ACRBP: variants seen among roughly 807,000 people sequenced by gnomAD.
ACRBP encodes acrosin binding protein, also known as acrosin-binding protein.
In ACRBP, 52 loss-of-function variants were observed where a neutral mutation model predicts 69.0. The ratio of observed to expected loss-of-function variants is 0.75; its 90% confidence interval spans 0.60 to 0.95. The LOEUF (loss-of-function observed/expected upper bound fraction) is 0.95. ACRBP is among the 40% of genes least tolerant of loss of function. ACRBP has a pLI of 0.00. For missense variants in ACRBP, 604 were observed against 673.0 expected, an observed-to-expected ratio of 0.90 and a Z score of 1.13; for synonymous variants, 267 against 258.9, an observed-to-expected ratio of 1.03 and a Z score of -0.30.
intron 6 of ACRBP, among the ~76,000 whole-genome samples, 181 bp downstream of exon 6, chr12:6,643,358 C>A (rs1328812331): frequency 6.6e-6 from 1 of 152,180 alleles, no homozygotes; most frequent in Non-Finnish European, 1.5e-5. Context: ...GGGTCTTGAG[C>A]CTTCCTCCTT....
In ACRBP at chr12:6,646,472, C is replaced by A. The variant is rs1949089907; in HGVS notation, c.357+11G>T. 1 of 1,613,450 alleles carries A rather than the reference C, an allele frequency of 6.2e-7. No homozygotes were observed. The highest frequency in any genetic ancestry group is 1.7e-5 in the Admixed American group (1 of 60,016). On this transcript the variant is annotated intron_variant, in intron 3 of 9. Transcript: ENST00000229243. The stretch of plus-strand genomic sequence containing the variant: ...TGGGGCACCAAATCCAACCTTTGTC[C>A]TGGGCCTCACCTTGGCATAGTAGAC...
Position 6,643,593 on chromosome 12 carries a change from G to A in ACRBP, c.1023C>T (p.Pro341=). ...SIVENTCIIT[P]TAKAWKYMEE... ...CCATGTACTTCCAGGCCTTGGCTGTGGGGGTTATGATGCAGGTATTCTCCA... is the reference window on the plus strand; with the variant it reads ...CCATGTACTTCCAGGCCTTGGCTGTAGGGGTTATGATGCAGGTATTCTCCA... The change falls in exon 6 of 10, where the codon CCC becomes CCT. Residue 341 remains proline (P), a synonymous_variant. Transcript: ENST00000229243. The A allele has an allele frequency of 6.2e-7, 1 of 1,614,242 alleles. No homozygotes were observed.
Position 6,647,347 on chromosome 12 carries a change from C to A in ACRBP, c.20G>T (p.Gly7Val). 1 of 1,544,908 alleles carries A rather than the reference C, an allele frequency of 6.5e-7. No homozygotes were observed. Among genetic ancestry groups the A allele is most frequent in the Non-Finnish European group, 8.7e-7 (1 of 1,144,932 alleles). ...ACCCTTCAGGAGTGAGGGAAGGAAG[C>A]CAGCGGCTGGCTTCCTCATGGCCGG... MRKPAA[G>V]FLPSLLKVLL... Residue 7 changes from glycine to valine, a missense_variant, in exon 1 of 10, where the codon GGC (glycine) becomes GTC (valine). Gly to Val is a moderately radical substitution (Grantham distance 109, BLOSUM62 -3). Transcript: ENST00000229243.
At position 6,646,505 on chromosome 12, in the gene ACRBP, G is replaced by C; in HGVS notation, c.335C>G (p.Ser112Cys). 6.2e-7 allele frequency: 1 copy of C among 1,614,122 alleles called. No individual in the cohort carries two copies. The highest frequency in any genetic ancestry group is 8.5e-7 in the Non-Finnish European group (1 of 1,180,020). The change falls in exon 3 of 10, where the codon TCC becomes TGC. Residue 112 changes from serine to cysteine, a missense_variant. Physicochemically the swap from Ser to Cys is moderately radical, Grantham distance 112. Transcript: ENST00000229243. ...SFCQFTHYRC[S>C]NHVYYAKRVL... The stretch of plus-strand genomic sequence containing the variant: ...CACCTTGGCATAGTAGACGTGGTTG[G>C]AGCAACGGTAGTGAGTGAACTGGCA...
Position 6,646,888 on chromosome 12 carries a change from T to C in ACRBP, c.168A>G (p.Ala56=), listed in dbSNP as rs1949093821. 1 of 1,614,044 alleles carries C rather than the reference T, an allele frequency of 6.2e-7. No individual in the cohort carries two copies. The highest frequency in any genetic ancestry group is 1.3e-5 in the African/African-American group (1 of 74,930). The change falls in exon 2 of 10, where the codon GCA becomes GCG. Residue 56 remains alanine (A), a synonymous_variant. Coordinates refer to ENST00000229243, the MANE Select transcript of ACRBP (RefSeq NM_032489.3). ...TTGCACGGAGACGGCAGGTAGTCTC[T>C]GCCTTCCAGGTTGGAGTCAGCAGTG... ...FFALLTPTWK[A]ETTCRLRATH... is the part of the protein sequence containing the mutation.
chr12:6,644,462 G>A lies in ACRBP; in HGVS notation c.619C>T (p.Pro207Ser), dbSNP rs777238087. Reference sequence around the variant, plus strand: ...TCTTCCTGCTTGTGTTCTTGTGTCGGCTCCTGCCTGTGCTCCACTCCTTGC... The same window carrying A: ...TCTTCCTGCTTGTGTTCTTGTGTCGACTCCTGCCTGTGCTCCACTCCTTGC... The part of the protein sequence containing the change: ...QEQGVEHRQE[P>S]TQEHKQEEGQ... Residue 207 changes from proline to serine, a missense_variant, in exon 5 of 10, where the codon CCG becomes TCG. This residue lies in a region of ACRBP where 532 missense variants were observed against 562.9 expected (regional missense o/e 0.95). Coordinates refer to ENST00000229243, the MANE Select transcript of ACRBP (RefSeq NM_032489.3). 6.2e-7 allele frequency: 1 copy of A among 1,613,740 alleles called. No homozygotes were observed. The highest frequency in any genetic ancestry group is 1.7e-5 in the Admixed American group (1 of 59,952).
At position 6,640,255 on chromosome 12, in the gene ACRBP, G is replaced by A; in HGVS notation, c.1258-28C>T. The A allele has an allele frequency of 1.2e-6, 2 of 1,613,426 alleles. No homozygotes were observed. The highest frequency in any genetic ancestry group is 1.7e-6 in the Non-Finnish European group (2 of 1,179,454). Reference sequence around the variant, plus strand: ...GTGGCACAGGAGATAGGGGAGAGGTGCGTGCCCCTCCCCACCTGCTGGCCA... The same window carrying A: ...GTGGCACAGGAGATAGGGGAGAGGTACGTGCCCCTCCCCACCTGCTGGCCA... On this transcript the variant is annotated intron_variant, in intron 7 of 9. Transcript: ENST00000229243. The surrounding 1 kb of genome is among the most constrained non-coding windows in gnomAD (Gnocchi z 5.3).
intron 3 of ACRBP, among the ~76,000 whole-genome samples, chr12:6,646,125 ATTTTTTTT>A (rs59626834): frequency 8.2e-6 from 1 of 121,432 alleles, no homozygotes; most frequent in Non-Finnish European, 1.7e-5. Flanking sequence ...AAGCCCGGCT[ATTTTTTTT>A]TTTTTTTTTT....
At position 6,638,395 on chromosome 12, in the gene ACRBP, T is replaced by C. The variant is rs1949026467; in HGVS notation, c.1519A>G (p.Met507Val). The C allele has an allele frequency of 3.7e-6, 6 of 1,613,830 alleles. No homozygotes were observed. The highest frequency in any genetic ancestry group is 2.7e-5 in the African/African-American group (2 of 74,860). ...TAAGTCTCATTCTGCAGACATCTCA[T>C]GCGGGACACCTACACAGAGATTCAG... Reference protein sequence around the residue: ...MRNRNRKVSRMRCLQNETYSA... With the variant: ...MRNRNRKVSRVRCLQNETYSA... Residue 507 changes from methionine to valine, a missense_variant, in exon 10 of 10, where the codon ATG becomes GTG. By Grantham distance (21) the Met-to-Val change is conservative (BLOSUM62 1). Transcript: ENST00000229243.
Position 6,643,882 on chromosome 12 carries a change from A to G in ACRBP, c.945-211T>C, listed in dbSNP as rs370490182. Among the ~76,000 whole-genome samples, 13 of 152,352 alleles carry G rather than the reference A, an allele frequency of 8.5e-5. No homozygotes were observed. The East Asian group carries it at 2.1e-3, about 25-fold the overall frequency. ...GAGAAATTACTTTCTCAGGATTGCAATGCTAAACAGGGCAGAGACAAGACC... is the reference window on the plus strand; with the variant it reads ...GAGAAATTACTTTCTCAGGATTGCAGTGCTAAACAGGGCAGAGACAAGACC... On this transcript the variant is annotated intron_variant, in intron 5 of 9. Transcript: ENST00000229243.
In ACRBP at chr12:6,647,355, T is replaced by C. The variant is rs1324125172; in HGVS notation, c.12A>G (p.Pro4=). The change falls in exon 1 of 10, where the codon CCA becomes CCG. Residue 4 remains proline (P), a synonymous_variant. Coordinates refer to ENST00000229243, the MANE Select transcript of ACRBP (RefSeq NM_032489.3). MRK[P]AAGFLPSLLK... The stretch of plus-strand genomic sequence containing the variant: ...GGAGTGAGGGAAGGAAGCCAGCGGC[T>C]GGCTTCCTCATGGCCGGAGAAGATC... 3.2e-6 allele frequency: 5 copies of C among 1,542,086 alleles called. No homozygotes were observed. The East Asian group carries it at 1.2e-4, about 38-fold the overall frequency.
At chr12:6,644,787 T>C (rs545075372) in intron 4 of ACRBP, among the ~76,000 whole-genome samples, 182 bp from the exon 5 acceptor site, 1 of 152,164 alleles carries the variant, frequency 6.6e-6, no homozygotes, top group African/African-American at 2.4e-5. Context: ...ACTGTAAGGC[T>C]GGTGGTATGC....
chr12:6,643,622 T>C lies in ACRBP; in HGVS notation c.994A>G (p.Ile332Val), dbSNP rs1380586075. The part of the protein sequence containing the change: ...TEALLVLCYS[I>V]VENTCIITPT... ...GTTATGATGCAGGTATTCTCCACGA[T>C]CGAATAGCACAGCACCAGCAAGGCC... Residue 332 changes from isoleucine (I) to valine (V), a missense_variant, in exon 6 of 10, where the codon ATC (isoleucine) becomes GTC (valine). By Grantham distance (29) the Ile-to-Val change is conservative. Transcript: ENST00000229243. 2 of 1,614,160 alleles carry C rather than the reference T, an allele frequency of 1.2e-6. No individual in the cohort carries two copies. The highest frequency in any genetic ancestry group is 1.1e-5 in the South Asian group (1 of 91,078).
intron 6 of ACRBP, among the ~76,000 whole-genome samples, chr12:6,642,220 A>G (rs1296377025): frequency 2.0e-5 from 3 of 152,094 alleles, no homozygotes; most frequent in African/African-American, 7.2e-5. Context: ...TACTGCTAAC[A>G]TCTTAAATAT....
intron 6 of ACRBP, among the ~76,000 whole-genome samples, chr12:6,642,467 G>A (rs1317810967): frequency 2.0e-5 from 3 of 152,162 alleles, no homozygotes; most frequent in Non-Finnish European, 1.5e-5. Context: ...TTGGGTGTAA[G>A]ATAGAAATTC....
At chr12:6,638,634 C>A in intron 9 of ACRBP, 1 of 1,345,386 alleles carries the variant, frequency 7.4e-7, no homozygotes, top group East Asian at 2.5e-5. Context: ...GGGGAAGTGC[C>A]TCATCCCAGG....
chr12:6,644,463 C>T lies in ACRBP; in HGVS notation c.618G>A (p.Glu206=). The T allele has an allele frequency of 1.2e-6, 2 of 1,614,018 alleles. No individual in the cohort carries two copies. Among genetic ancestry groups the T allele is most frequent in the Middle Eastern group, 1.6e-4 (1 of 6,062 alleles). ...CTTCCTGCTTGTGTTCTTGTGTCGG[C>T]TCCTGCCTGTGCTCCACTCCTTGCT... is the stretch of plus-strand genomic sequence containing the variant. ...KQEQGVEHRQ[E]PTQEHKQEEG... The change falls in exon 5 of 10, where the codon GAG becomes GAA. Residue 206 remains glutamate (E), a synonymous_variant. Transcript: ENST00000229243.
intron 4 of ACRBP, 133 bp downstream of exon 4, chr12:6,645,087 G>A: frequency 1.5e-6 from 1 of 674,878 alleles, no homozygotes. Context: ...ACTCCTTTGT[G>A]TAAACAGCTG....
In ACRBP at chr12:6,644,161, T is replaced by A; in HGVS notation, c.920A>T (p.Tyr307Phe). The change falls in exon 5 of 10, where the codon TAC becomes TTC. Residue 307 changes from tyrosine to phenylalanine, a missense_variant. Tyr to Phe is a conservative substitution (Grantham distance 22). Transcript: ENST00000229243. ...CCTGCCAGGGTTTTGGTTTCTCCAG[T>A]AGGAGTTCTCATCATATATTTCATT... ...EMNEIYDENS[Y>F]WRNQNPGSLL... 1 of 1,599,358 alleles carries A rather than the reference T, an allele frequency of 6.3e-7. No individual in the cohort carries two copies. Among genetic ancestry groups the A allele is most frequent in the Non-Finnish European group, 8.5e-7 (1 of 1,170,380 alleles).
Sources: gnomAD v4.1 joint callset for allele counts (sites outside exome capture counted in the v4.1 genomes callset) on GRCh38, gnomAD v4.1.1 for gene constraint, gnomAD v4.1.1 regional missense constraint, Gnocchi (gnomAD v3.1) non-coding constraint, MANE v1.5 for transcripts, NCBI Gene and HGNC (gene_info 2026-07-23, HGNC 2026-07-21) for gene names.